Variants in GALNT10 observed in about 807,000 individuals in gnomAD.
GALNT10 encodes polypeptide N-acetylgalactosaminyltransferase 10.
A neutral mutation model predicts 75.0 loss-of-function variants in GALNT10; 41 were observed. That is an observed-to-expected ratio of 0.55 (90% CI 0.43 to 0.71). GALNT10 has a LOEUF of 0.71. GALNT10 is among the 30% of genes least tolerant of loss of function. GALNT10 has a pLI of 0.00. For missense variants in GALNT10, 727 were observed against 818.5 expected (o/e 0.89, Z 1.36); for synonymous variants, 302 against 313.0 (o/e 0.96, Z 0.37).
At chr5:154,231,524 T>C (rs1370765343) in intron 1 of GALNT10, among the ~76,000 whole-genome samples, 1 of 152,130 alleles carries the variant, frequency 6.6e-6, no homozygotes, top group African/African-American at 2.4e-5. Flanking sequence ...GAAGTTGGGT[T>C]TTGGTTTATT....
intron 1 of GALNT10, among the ~76,000 whole-genome samples, chr5:154,249,037 G>A (rs1050089194): frequency 6.6e-6 from 1 of 152,248 alleles, no homozygotes. Flanking sequence ...CTTTTCTGGT[G>A]CAATGAGAAA....
In GALNT10 at chr5:154,226,096, CGT is replaced by C. The variant is rs1561634361; in HGVS notation, c.159+35072_159+35073del. On this transcript the variant is annotated intron_variant, in intron 1 of 11. Coordinates refer to ENST00000297107, the MANE Select transcript of GALNT10 (RefSeq NM_198321.4). ...CATGTATATATATGTAACAGACCTG[CGT>C]ATTGTGCACATGTACCATAAAACTT... is the stretch of plus-strand genomic sequence containing the variant. Among the ~76,000 whole-genome samples the C allele has an allele frequency of 1.5e-4, 23 of 150,914 alleles. No homozygotes were observed. In the East Asian group the frequency reaches 4.3e-3, roughly 28 times the overall value.
intron 4 of GALNT10, among the ~76,000 whole-genome samples, chr5:154,357,087 T>C (rs1247854556): frequency 6.6e-6 from 1 of 152,194 alleles, no homozygotes; most frequent in Non-Finnish European, 1.5e-5. Flanking sequence ...TTTTTGCTTT[T>C]AAAGGGGACT....
At chr5:154,326,144 A>G (rs958279617) in intron 3 of GALNT10, among the ~76,000 whole-genome samples, 4 of 152,208 alleles carry the variant, frequency 2.6e-5, no homozygotes, top group Non-Finnish European at 4.4e-5. Context: ...CAAATGGCCA[A>G]TAGGCATATG....
chr5:154,221,144 G>A (rs1752971247), intron 1 of GALNT10, among the ~76,000 whole-genome samples: 1 of 152,112 alleles, frequency 6.6e-6, no homozygotes, highest in Non-Finnish European at 1.5e-5. Flanking sequence ...CAGGACACCG[G>A]GAGGTTAAGG....
chr5:154,374,275 G>T (rs1755623070), intron 4 of GALNT10, among the ~76,000 whole-genome samples: 1 of 152,180 alleles, frequency 6.6e-6, no homozygotes, highest in South Asian at 2.1e-4. Context: ...GCACAAGCAA[G>T]AAAAGACCTG....
chr5:154,248,503 A>G (rs989920247), intron 1 of GALNT10, among the ~76,000 whole-genome samples: 1 of 152,212 alleles, frequency 6.6e-6, no homozygotes, highest in Non-Finnish European at 1.5e-5. Flanking sequence ...GTATTGGTCT[A>G]TTCAGAGATT....
chr5:154,415,674 A>G, intron 10 of GALNT10, 109 bp from the exon 11 acceptor site: 1 of 1,041,666 alleles, frequency 9.6e-7, no homozygotes, highest in Non-Finnish European at 1.4e-6. Context: ...AGGTTAATAT[A>G]TTATTATTTG....
rs577977111 is a variant in GALNT10, at chr5:154,191,081, G to C, written c.159+56G>C. The C allele has an allele frequency of 4.2e-5, 51 of 1,217,080 alleles. No individual in the cohort carries two copies. The African/African-American group carries it at 7.5e-4, about 18-fold the overall frequency. The allele number at this position is 1,217,080 out of a possible 1,614,324, so 75.4% of individuals were successfully genotyped here. On this transcript the variant is annotated intron_variant, in intron 1 of 11. Coordinates refer to ENST00000297107, the MANE Select transcript of GALNT10 (RefSeq NM_198321.4). The stretch of plus-strand genomic sequence containing the variant: ...CACCCCCTTCCCGAATTCACTTTTA[G>C]CCTGTGGTTCCTTCCTCCACCTTCT...
chr5:154,233,160 A>G (rs1753192783), intron 1 of GALNT10, among the ~76,000 whole-genome samples: 1 of 152,202 alleles, frequency 6.6e-6, no homozygotes, highest in Admixed American at 6.5e-5. Context: ...TGGGATGCTT[A>G]AAGGACATTG....
chr5:154,233,952 A>G (rs1176005166), intron 1 of GALNT10, among the ~76,000 whole-genome samples: 3 of 151,972 alleles, frequency 2.0e-5, no homozygotes, highest in Non-Finnish European at 2.9e-5. Flanking sequence ...CAGATTCACC[A>G]TGAAGCTTCA....
At chr5:154,227,969 C>T (rs1193343415) in intron 1 of GALNT10, among the ~76,000 whole-genome samples, 1 of 152,064 alleles carries the variant, frequency 6.6e-6, no homozygotes, top group Non-Finnish European at 1.5e-5. Context: ...TTGGTGCTGT[C>T]TTCATGATAG....
intron 3 of GALNT10, among the ~76,000 whole-genome samples, chr5:154,308,101 A>C (rs1405201560): frequency 1.3e-5 from 2 of 151,114 alleles, no homozygotes; most frequent in Admixed American, 6.6e-5. Context: ...AATAAAGATC[A>C]CTGCAAATAG....
chr5:154,322,432 C>T (rs1754689460), intron 3 of GALNT10, among the ~76,000 whole-genome samples: 2 of 152,162 alleles, frequency 1.3e-5, no homozygotes, highest in South Asian at 4.2e-4. Context: ...CTTTTAAAGA[C>T]CCCTTGTGAT....
At chr5:154,266,730 AT>A in intron 1 of GALNT10, among the ~76,000 whole-genome samples, 1 of 152,198 alleles carries the variant, frequency 6.6e-6, no homozygotes, top group Admixed American at 6.5e-5. Flanking sequence ...AAATAAAAAA[AT>A]ATTAGCGGGG....
At position 154,409,444 on chromosome 5, in the gene GALNT10, G is replaced by A; in HGVS notation, c.1165-97G>A. 2.5e-6 allele frequency: 2 copies of A among 813,272 alleles called. No individual in the cohort carries two copies. Among genetic ancestry groups the A allele is most frequent in the Non-Finnish European group, 2.2e-6 (1 of 452,076 alleles). 50.4% of individuals were successfully genotyped at this position (813,272 alleles called of 1,614,324 possible). A position where few individuals can be genotyped will look rare whatever the true frequency, so the allele number is the denominator to read the frequency against. ...GGATTTTTGATGGAACATAAAATAA[G>A]AAGGGTTGACCTCGACCTGCCAGGA... On this transcript the variant is annotated intron_variant, in intron 8 of 11. Coordinates refer to ENST00000297107, the MANE Select transcript of GALNT10 (RefSeq NM_198321.4). The surrounding 1 kb of genome is among the most constrained non-coding windows in gnomAD (Gnocchi z 4.5).
intron 1 of GALNT10, among the ~76,000 whole-genome samples, chr5:154,224,833 T>A (rs1353983188): frequency 4.1e-5 from 6 of 145,534 alleles, no homozygotes; most frequent in African/African-American, 1.5e-4. Context: ...CAGGTTAGAG[T>A]GCAGTGGCAG....
chr5:154,228,349 C>T (rs1431278632), intron 1 of GALNT10, among the ~76,000 whole-genome samples: 1 of 152,118 alleles, frequency 6.6e-6, no homozygotes, highest in Non-Finnish European at 1.5e-5. Context: ...TCCAGTAATT[C>T]CTTTTGCATC....
chr5:154,334,634 G>T (rs1203063697), intron 4 of GALNT10, among the ~76,000 whole-genome samples: 1 of 152,200 alleles, frequency 6.6e-6, no homozygotes, highest in Non-Finnish European at 1.5e-5. Flanking sequence ...GGATTAACTA[G>T]AGGCTGCCCG....
Sources: allele counts gnomAD v4.1 joint callset (sites outside exome capture counted in the v4.1 genomes callset), GRCh38; gene constraint gnomAD v4.1.1; non-coding constraint Gnocchi (gnomAD v3.1); transcripts MANE v1.5; gene names NCBI Gene and HGNC (gene_info 2026-07-23, HGNC 2026-07-21).